Variants in BARX2 observed in about 807,000 individuals in gnomAD.
BARX2 encodes homeobox protein BarH-like 2.
A neutral mutation model predicts 25.5 loss-of-function variants in BARX2; 11 were observed. The observed-to-expected ratio is 0.43, with a 90% CI of 0.27 to 0.71. The LOEUF is 0.71. BARX2 is among the 30% of genes least tolerant of loss of function. BARX2 has a pLI of 0.19. For synonymous variants in BARX2, 137 were observed against 149.5 expected (o/e 0.92, Z 0.61); for missense variants, 360 against 359.9 (o/e 1.00, Z 0.00).
rs1437121475 is a variant in BARX2, at chr11:129,434,290, C to G, written c.188-2461C>G. Among the ~76,000 whole-genome samples the G allele has an allele frequency of 2.7e-5, 4 of 149,206 alleles. No homozygotes were observed. In the East Asian group the frequency reaches 5.9e-4, roughly 22 times the overall value. On this transcript the variant is annotated intron_variant, in intron 1 of 3. Coordinates refer to ENST00000281437, the MANE Select transcript of BARX2 (RefSeq NM_003658.5). ...TTAAGAGACAGAATCTCTGACTGGGCACGATGGCTCACACCTATAATCCTA... is the reference window on the plus strand; with the variant it reads ...TTAAGAGACAGAATCTCTGACTGGGGACGATGGCTCACACCTATAATCCTA...
rs373849549 is a variant in BARX2 at position 129,389,524 on chromosome 11, C to T, written c.187+13302C>T. 1.6e-4 allele frequency among the ~76,000 whole-genome samples: 25 copies of T among 151,926 alleles called. 1 individual carries two copies. In the East Asian group the frequency reaches 3.9e-3, roughly 24 times the overall value. On this transcript the variant is annotated intron_variant, in intron 1 of 3. Transcript: ENST00000281437. The stretch of plus-strand genomic sequence containing the variant: ...TAAATGAGTGGCACAAACAGGTCAG[C>T]GCTACAACATCACAAGATGTGCTTT...
intron 1 of BARX2, among the ~76,000 whole-genome samples, chr11:129,407,633 A>G (rs1221146169): frequency 6.6e-6 from 1 of 152,198 alleles, no homozygotes; most frequent in Non-Finnish European, 1.5e-5. Flanking sequence ...ACAGTTCAGT[A>G]AACTTTGAGT....
chr11:129,409,322 C>T (rs77170397), intron 1 of BARX2, among the ~76,000 whole-genome samples: 6,320 of 152,180 alleles, frequency 0.042, 475 homozygotes, highest in African/African-American at 0.14. Flanking sequence ...GTAAAGCAAC[C>T]AAATACTTGC....
At chr11:129,438,594 C>T (rs1480739957) in intron 2 of BARX2, among the ~76,000 whole-genome samples, 5 of 152,150 alleles carry the variant, frequency 3.3e-5, no homozygotes, top group Non-Finnish European at 5.9e-5. Context: ...TGCATATCAC[C>T]GACTAAAAGG....
chr11:129,441,962 T>C (rs1037590962), intron 2 of BARX2, among the ~76,000 whole-genome samples: 1 of 152,026 alleles, frequency 6.6e-6, no homozygotes, highest in Non-Finnish European at 1.5e-5. Flanking sequence ...AAATGGTGGG[T>C]GTGTTAGATT....
intron 1 of BARX2, among the ~76,000 whole-genome samples, chr11:129,404,366 C>T (rs1375136366): frequency 1.3e-5 from 2 of 152,206 alleles, no homozygotes; most frequent in Admixed American, 1.3e-4. Flanking sequence ...CTCCATGTGA[C>T]ACTTATCACC....
At chr11:129,412,137 T>G (rs1348848201) in intron 1 of BARX2, among the ~76,000 whole-genome samples, 1 of 151,814 alleles carries the variant, frequency 6.6e-6, no homozygotes, top group Non-Finnish European at 1.5e-5. Context: ...CCGGGCATGG[T>G]GGCGGGCGCC....
chr11:129,396,844 A>C (rs1225824503), intron 1 of BARX2, among the ~76,000 whole-genome samples: 1 of 152,176 alleles, frequency 6.6e-6, no homozygotes, highest in Non-Finnish European at 1.5e-5. Flanking sequence ...GATGCCCCAG[A>C]AGAAAGACTG....
At chr11:129,398,136 A>G (rs979783851) in intron 1 of BARX2, among the ~76,000 whole-genome samples, 8 of 152,238 alleles carry the variant, frequency 5.3e-5, no homozygotes, top group East Asian at 1.9e-4. Context: ...TAATGGAAGC[A>G]TGATGCAGAC....
chr11:129,391,928 G>A (rs908130141), intron 1 of BARX2, among the ~76,000 whole-genome samples: 1 of 152,128 alleles, frequency 6.6e-6, no homozygotes, highest in Non-Finnish European at 1.5e-5. Context: ...CAGTTTATAT[G>A]CTTCTTAATT....
intron 3 of BARX2, among the ~76,000 whole-genome samples, chr11:129,449,326 T>C (rs1438472521): frequency 1.3e-5 from 2 of 152,168 alleles, no homozygotes; most frequent in Non-Finnish European, 2.9e-5. Flanking sequence ...TGCATAGAAG[T>C]TAGCTGGAAG....
At chr11:129,393,528 T>C (rs1409654914) in intron 1 of BARX2, among the ~76,000 whole-genome samples, 1 of 152,000 alleles carries the variant, frequency 6.6e-6, no homozygotes, top group Non-Finnish European at 1.5e-5. Context: ...TCCTTTTTTT[T>C]TTTTTCCTGG....
intron 1 of BARX2, among the ~76,000 whole-genome samples, chr11:129,432,806 T>C (rs1390873705): frequency 6.6e-6 from 1 of 152,170 alleles, no homozygotes; most frequent in Non-Finnish European, 1.5e-5. Context: ...CTGTGCAAAA[T>C]GTGAACAATG....
intron 1 of BARX2, among the ~76,000 whole-genome samples, chr11:129,394,244 A>G (rs898890133): frequency 6.6e-6 from 1 of 152,026 alleles, no homozygotes; most frequent in Admixed American, 6.6e-5. Flanking sequence ...ATTTTCATTG[A>G]TAGAGTGTCC....
chr11:129,451,679 G>A lies in BARX2; in HGVS notation c.*277G>A, dbSNP rs1042742462. On this transcript the variant is annotated 3_prime_UTR_variant, in exon 4 of 4. Coordinates refer to ENST00000281437, the MANE Select transcript of BARX2 (RefSeq NM_003658.5). Reference sequence around the variant, plus strand: ...CTAGGAGCTGCCTGCCCCAGCTGGGGTGACGGCTGTAGGGCTGGGTCTATG... The same window carrying A: ...CTAGGAGCTGCCTGCCCCAGCTGGGATGACGGCTGTAGGGCTGGGTCTATG... The A allele has an allele frequency of 4.5e-6, 2 of 447,464 alleles. No individual in the cohort carries two copies. Among genetic ancestry groups the A allele is most frequent in the Non-Finnish European group, 8.1e-6 (2 of 246,864 alleles). 27.7% of individuals were successfully genotyped at this position (447,464 alleles called of 1,614,324 possible).
chr11:129,391,804 C>G (rs1314055024), intron 1 of BARX2, among the ~76,000 whole-genome samples: 1 of 152,184 alleles, frequency 6.6e-6, no homozygotes, highest in Non-Finnish European at 1.5e-5. Flanking sequence ...TTGGGACTTT[C>G]TCTTTGCTGC....
At chr11:129,380,081 C>T (rs941824027) in intron 1 of BARX2, among the ~76,000 whole-genome samples, 30 of 151,744 alleles carry the variant, frequency 2.0e-4, no homozygotes, top group Non-Finnish European at 7.4e-5. Context: ...GCCAGGGTCA[C>T]GTCAGTGCTT....
At chr11:129,387,425 G>A (rs1325320586) in intron 1 of BARX2, among the ~76,000 whole-genome samples, 1 of 152,172 alleles carries the variant, frequency 6.6e-6, no homozygotes, top group Non-Finnish European at 1.5e-5. Context: ...CAAGGATTTA[G>A]GATATTTAGG....
intron 1 of BARX2, among the ~76,000 whole-genome samples, chr11:129,395,558 C>T (rs1202159416): frequency 6.6e-6 from 1 of 152,174 alleles, no homozygotes; most frequent in Non-Finnish European, 1.5e-5. Context: ...TTGAAATCTC[C>T]TCCGGCCCTC....
Sources: gnomAD v4.1 joint callset for allele counts (sites outside exome capture counted in the v4.1 genomes callset) on GRCh38, gnomAD v4.1.1 for gene constraint, MANE v1.5 for transcripts, NCBI Gene and HGNC (gene_info 2026-07-23, HGNC 2026-07-21) for gene names.